MS4A13: variants seen among roughly 807,000 people sequenced by gnomAD.
MS4A13 encodes the protein membrane-spanning 4-domains subfamily A member 13.
A neutral mutation model predicts 18.4 loss-of-function variants in MS4A13; 21 were observed. The observed-to-expected ratio is 1.14, with a 90% CI of 0.81 to 1.64. MS4A13 has a LOEUF of 1.64. Among genes scored for constraint, MS4A13 ranks in the 40% most tolerant of loss-of-function variants. The probability of loss-of-function intolerance (pLI) is 0.00; values close to 1 mark genes in which losing one functional copy is unlikely to be tolerated. For missense variants in MS4A13, 173 were observed against 176.8 expected (o/e 0.98, Z 0.12); for synonymous variants, 62 against 57.2 (o/e 1.08, Z -0.38).
At chr11:60,540,906 A>G (rs1160250241) in intron 6 of MS4A13, among the ~76,000 whole-genome samples, 1 of 151,356 alleles carries the variant, frequency 6.6e-6, no homozygotes. Context: ...AATGAGCCAT[A>G]TTCAGGCCAC....
In MS4A13 at chr11:60,523,895, A is replaced by G; in HGVS notation, c.130-2A>G. 2 of 1,471,164 alleles carry G rather than the reference A, an allele frequency of 1.4e-6. No individual in the cohort carries two copies. Among genetic ancestry groups the G allele is most frequent in the Non-Finnish European group, 1.9e-6 (2 of 1,052,494 alleles). The allele number at this position is 1,471,164 out of a possible 1,614,324, so 91.1% of individuals were successfully genotyped here. A position where few individuals can be genotyped will look rare whatever the true frequency, so the allele number is the denominator to read the frequency against. On this transcript the variant is annotated splice_acceptor_variant, in intron 3 of 6. Transcript: ENST00000378186. LOFTEE classifies it high-confidence loss of function. The stretch of plus-strand genomic sequence containing the variant: ...TATTTATAAATATGTTTTTATATCC[A>G]GTTTATCATTGCAGGAGTCTTCCTA...
At chr11:60,530,908 TG>T (rs1235993483) in intron 6 of MS4A13, among the ~76,000 whole-genome samples, 1 of 146,646 alleles carries the variant, frequency 6.8e-6, no homozygotes, top group African/African-American at 2.5e-5. Context: ...TGCTGCCATG[TG>T]AAAAAGGTCC....
At chr11:60,524,903 A>G (rs2086702725) in intron 4 of MS4A13, among the ~76,000 whole-genome samples, 1 of 151,708 alleles carries the variant, frequency 6.6e-6, no homozygotes. Flanking sequence ...CTCGTGATCC[A>G]CCCGTCTCGG....
At chr11:60,533,192 G>A (rs944886368) in intron 6 of MS4A13, among the ~76,000 whole-genome samples, 1 of 96,924 alleles carries the variant, frequency 1.0e-5, no homozygotes, top group African/African-American at 3.8e-5. Flanking sequence ...GACGAGCTGA[G>A]AGAAGAAGGC....
chr11:60,527,213 T>C (rs2086719112), intron 5 of MS4A13, among the ~76,000 whole-genome samples: 1 of 152,120 alleles, frequency 6.6e-6, no homozygotes, highest in Admixed American at 6.6e-5. Flanking sequence ...TTATTCTTCA[T>C]TTAAGTATTT....
chr11:60,543,193 C>T (rs929354958), downstream of MS4A13, among the ~76,000 whole-genome samples: 5 of 152,146 alleles, frequency 3.3e-5, no homozygotes, highest in Admixed American at 6.5e-5. Context: ...TCAAAGCAGA[C>T]AGACTGTCCA....
At chr11:60,542,117 G>GA (rs35678900) in intron 6 of MS4A13, among the ~76,000 whole-genome samples, 15 of 120,128 alleles carry the variant, frequency 1.2e-4, no homozygotes, top group African/African-American at 4.4e-4. Context: ...ACAAGACCTT[G>GA]AAAAAAAAAA....
intron 5 of MS4A13, 24 bp downstream of exon 5, chr11:60,525,350 C>T (rs1379800521): frequency 2.7e-6 from 4 of 1,471,890 alleles, no homozygotes; most frequent in African/African-American, 2.9e-5. Context: ...TCTATGGGAA[C>T]ATATTAATTT....
chr11:60,531,866 C>T (rs369356892), intron 6 of MS4A13, among the ~76,000 whole-genome samples: 16 of 152,236 alleles, frequency 1.1e-4, no homozygotes, highest in African/African-American at 3.4e-4. Context: ...AGTTAAAAGA[C>T]CCTATTTCCA....
At chr11:60,517,882 T>C (rs1014904898) in intron 2 of MS4A13, among the ~76,000 whole-genome samples, 190 bp from the exon 3 acceptor site, 17 of 152,188 alleles carry the variant, frequency 1.1e-4, no homozygotes, top group Non-Finnish European at 1.9e-4. Flanking sequence ...TGATTCCTAT[T>C]TGGTAAATCT....
At chr11:60,531,148 A>T (rs2086763535) in intron 6 of MS4A13, among the ~76,000 whole-genome samples, 1 of 152,146 alleles carries the variant, frequency 6.6e-6, no homozygotes, top group Non-Finnish European at 1.5e-5. Flanking sequence ...ATTGCTTGAG[A>T]TGACTAGTTT....
intron 4 of MS4A13, 106 bp from the exon 5 acceptor site, chr11:60,525,101 A>G: frequency 1.3e-6 from 1 of 776,956 alleles, no homozygotes; most frequent in Non-Finnish European, 2.1e-6. Flanking sequence ...AAGACTTCAG[A>G]AACTAGATCA....
chr11:60,541,975 C>T (rs1376281679), intron 6 of MS4A13, among the ~76,000 whole-genome samples: 1 of 151,892 alleles, frequency 6.6e-6, no homozygotes, highest in Non-Finnish European at 1.5e-5. Flanking sequence ...GTGGCACAGG[C>T]CTGTAATCCT....
chr11:60,542,063 G>A (rs527492408), intron 6 of MS4A13, among the ~76,000 whole-genome samples: 6 of 149,826 alleles, frequency 4.0e-5, no homozygotes, highest in Non-Finnish European at 5.9e-5. Context: ...AGCCGAGATC[G>A]CACCACTGCA....
intron 4 of MS4A13, among the ~76,000 whole-genome samples, chr11:60,524,270 C>T (rs1032426275): frequency 2.6e-5 from 4 of 152,058 alleles, no homozygotes; most frequent in African/African-American, 9.7e-5. Context: ...TAGATATAGA[C>T]ATTATACTAC....
intron 3 of MS4A13, among the ~76,000 whole-genome samples, chr11:60,522,338 CAG>C (rs2086683063): frequency 6.6e-6 from 1 of 151,392 alleles, no homozygotes; most frequent in Non-Finnish European, 1.5e-5. Flanking sequence ...GAGAGAGAAT[CAG>C]AGAGTCAAAA....
At chr11:60,530,433 A>G (rs996614715) in intron 6 of MS4A13, among the ~76,000 whole-genome samples, 1 of 152,244 alleles carries the variant, frequency 6.6e-6, no homozygotes, top group African/African-American at 2.4e-5. Context: ...CAACTATAAG[A>G]CTACATGGTA....
At chr11:60,531,091 C>T (rs4939397) in intron 6 of MS4A13, among the ~76,000 whole-genome samples, 25,092 of 152,126 alleles carry the variant, frequency 0.16, 2,316 homozygotes, top group East Asian at 0.28. Context: ...GATTCCGTTA[C>T]GCAGAAGTTT....
chr11:60,542,117 GAA>G (rs35678900), intron 6 of MS4A13, among the ~76,000 whole-genome samples: 2,301 of 120,124 alleles, frequency 0.019, 39 homozygotes, highest in African/African-American at 0.041. Context: ...ACAAGACCTT[GAA>G]AAAAAAAAAA....
Sources: allele counts gnomAD v4.1 joint callset (sites outside exome capture counted in the v4.1 genomes callset), GRCh38; gene constraint gnomAD v4.1.1; transcripts MANE v1.5; gene names NCBI Gene and HGNC (gene_info 2026-07-23, HGNC 2026-07-21).